STK3: variants seen among roughly 807,000 people sequenced by gnomAD.
STK3 encodes the protein serine/threonine-protein kinase 3.
STK3 carries 41 observed loss-of-function variants against 58.0 expected under a neutral mutation model. That is an observed-to-expected ratio of 0.71 (90% confidence interval 0.55 to 0.92). The LOEUF (loss-of-function observed/expected upper bound fraction) is 0.92, where lower values mean the gene tolerates loss of function less well. Among genes scored for constraint, STK3 ranks in the 40% least tolerant of loss-of-function variants. The pLI is 0.00. For missense variants in STK3, 479 were observed against 602.7 expected, an observed-to-expected ratio of 0.79 and a Z score of 2.15; for synonymous variants, 170 against 191.0, an observed-to-expected ratio of 0.89 and a Z score of 0.91.
At chr8:98,500,823 G>A (rs951060118) in intron 10 of STK3, among the ~76,000 whole-genome samples, 2 of 152,104 alleles carry the variant, frequency 1.3e-5, no homozygotes, top group East Asian at 1.9e-4. Context: ...TGGACGTTTG[G>A]GTTGGTTCCA....
intron 9 of STK3, among the ~76,000 whole-genome samples, chr8:98,538,311 C>T (rs974583663): frequency 2.6e-5 from 4 of 152,126 alleles, no homozygotes; most frequent in Non-Finnish European, 4.4e-5. Context: ...CAGTTTTTTC[C>T]TGAACTTCAC....
chr8:98,798,105 C>T (rs1338301484), intron 1 of STK3, among the ~76,000 whole-genome samples: 4 of 152,126 alleles, frequency 2.6e-5, no homozygotes, highest in Admixed American at 1.3e-4. Context: ...CATGATACAG[C>T]AATAGAGGCA....
chr8:98,436,014 A>G (rs1403243368), intron 2 of STK3, among the ~76,000 whole-genome samples: 6 of 151,536 alleles, frequency 4.0e-5, no homozygotes, highest in Non-Finnish European at 7.4e-5. Flanking sequence ...CTCTGTTCCC[A>G]CCACCCTTTT....
intron 3 of STK3, among the ~76,000 whole-genome samples, chr8:98,407,573 T>G (rs1818005731): frequency 6.6e-6 from 1 of 152,066 alleles, no homozygotes; most frequent in African/African-American, 2.4e-5. Context: ...GTGAGTGTAG[T>G]GGAGAGAGGG....
downstream of STK3, among the ~76,000 whole-genome samples, chr8:98,398,052 C>A (rs1817910380): frequency 6.6e-6 from 1 of 152,206 alleles, no homozygotes; most frequent in South Asian, 2.1e-4. Flanking sequence ...AAGCTGTGGG[C>A]TTCCCTATCT....
intron 1 of STK3, among the ~76,000 whole-genome samples, chr8:98,931,062 C>G (rs1564111890): frequency 6.6e-6 from 1 of 152,184 alleles, no homozygotes; most frequent in Non-Finnish European, 1.5e-5. Context: ...TCCAGAATTG[C>G]CTGTGGATGT....
chr8:98,438,218 T>G (rs1236716462), intron 1 of STK3: 1 of 152,268 alleles, frequency 6.6e-6, no homozygotes, highest in Non-Finnish European at 1.5e-5. Flanking sequence ...TGTGCGTGTG[T>G]GTGTTTAAAG....
At chr8:98,602,490 A>G (rs567154628) in intron 6 of STK3, among the ~76,000 whole-genome samples, 2 of 152,360 alleles carry the variant, frequency 1.3e-5, no homozygotes, top group South Asian at 4.1e-4. Flanking sequence ...TGAGCAATAC[A>G]TATCTTTTGT....
At chr8:98,709,887 T>C (rs1348298244) in intron 4 of STK3, among the ~76,000 whole-genome samples, 1 of 151,930 alleles carries the variant, frequency 6.6e-6, no homozygotes, top group African/African-American at 2.4e-5. Flanking sequence ...AATGAAAGGA[T>C]GCTATTAGGT....
At chr8:98,761,615 T>C (rs1830620229) in intron 3 of STK3, among the ~76,000 whole-genome samples, 1 of 152,228 alleles carries the variant, frequency 6.6e-6, no homozygotes, top group African/African-American at 2.4e-5. Context: ...TTCTATAACT[T>C]AGTATGGTAA....
chr8:98,538,096 T>C (rs1018643729), intron 9 of STK3, among the ~76,000 whole-genome samples: 1 of 152,180 alleles, frequency 6.6e-6, no homozygotes, highest in Non-Finnish European at 1.5e-5. Flanking sequence ...GTTTAGAGAA[T>C]AAAATAACAA....
intron 10 of STK3, among the ~76,000 whole-genome samples, chr8:98,503,444 C>T (rs1823789006): frequency 6.6e-6 from 1 of 152,122 alleles, no homozygotes; most frequent in African/African-American, 2.4e-5. Flanking sequence ...CTTCTGCTAG[C>T]TTTTGAATTT....
At chr8:98,370,056 C>T (rs1416826391), downstream of STK3, among the ~76,000 whole-genome samples, 2 of 150,706 alleles carry the variant, frequency 1.3e-5, no homozygotes, top group African/African-American at 4.9e-5. Flanking sequence ...ATGGATGGGG[C>T]CTCACAGTCA....
chr8:98,679,772 T>C (rs778930008), intron 6 of STK3, among the ~76,000 whole-genome samples: 1 of 152,236 alleles, frequency 6.6e-6, no homozygotes, highest in East Asian at 1.9e-4. Context: ...CATGAAATGA[T>C]AGCAACACAT....
rs1031859130 is a variant in STK3 at position 98,658,151 on chromosome 8, T to C, written c.684+48316A>G. 2.0e-5 allele frequency among the ~76,000 whole-genome samples: 3 copies of C among 152,214 alleles called. No individual in the cohort carries two copies. The South Asian group carries it at 6.2e-4, about 32-fold the overall frequency. On this transcript the variant is annotated intron_variant, in intron 6 of 10. Coordinates refer to ENST00000419617, the MANE Select transcript of STK3 (RefSeq NM_006281.4). Reference sequence around the variant, plus strand: ...TTTGTATGATGGCATGAGCACAGACTATTAGATCCAAGAAAATCAATTGTC... The same window carrying C: ...TTTGTATGATGGCATGAGCACAGACCATTAGATCCAAGAAAATCAATTGTC...
intron 6 of STK3, among the ~76,000 whole-genome samples, chr8:98,667,124 T>TA (rs1822425266): frequency 6.6e-6 from 1 of 152,148 alleles, no homozygotes; most frequent in Admixed American, 6.5e-5. Context: ...AACTTCAGCA[T>TA]AACTAAGAAA....
chr8:98,399,161 C>T (rs879679205), downstream of STK3, among the ~76,000 whole-genome samples: 1 of 152,198 alleles, frequency 6.6e-6, no homozygotes, highest in African/African-American at 2.4e-5. Flanking sequence ...TACTCCGTGA[C>T]TCACCCCCAC....
intron 3 of STK3, among the ~76,000 whole-genome samples, chr8:98,871,950 G>T (rs2131877613): frequency 1.3e-5 from 2 of 152,242 alleles, no homozygotes; most frequent in Middle Eastern, 6.8e-3. Flanking sequence ...TCCAGTTTTT[G>T]CCCATTCAGT....
intron 4 of STK3, 35 bp from the exon 5 acceptor site, chr8:98,707,346 T>C: frequency 2.1e-6 from 3 of 1,425,680 alleles, no homozygotes; most frequent in Non-Finnish European, 2.8e-6. Flanking sequence ...ATAATTAAAA[T>C]GCCACGTTAG....
Sources: gnomAD v4.1 joint callset for allele counts (sites outside exome capture counted in the v4.1 genomes callset) on GRCh38, gnomAD v4.1.1 for gene constraint, MANE v1.5 for transcripts, NCBI Gene and HGNC (gene_info 2026-07-23, HGNC 2026-07-21) for gene names.